The following PTPRN2 variants were observed in gnomAD, a reference collection of about 807,000 sequenced individuals.
The protein encoded by PTPRN2 is protein tyrosine phosphatase receptor type N2.
PTPRN2 carries 74 observed loss-of-function variants against 118.8 expected under a neutral mutation model. The ratio of observed to expected loss-of-function variants is 0.62; its 90% CI spans 0.52 to 0.76. The LOEUF (loss-of-function observed/expected upper bound fraction) is 0.76. PTPRN2 is among the 30% of genes least tolerant of loss of function. PTPRN2 has a pLI of 0.00. For synonymous variants in PTPRN2, 641 were observed against 608.0 expected (o/e 1.05, Z -0.80); for missense variants, 1,481 against 1,394.4 (o/e 1.06, Z -0.99).
intron 12 of PTPRN2, among the ~76,000 whole-genome samples, chr7:157,776,506 C>T (rs1185671170): frequency 2.1e-5 from 3 of 143,840 alleles, no homozygotes; most frequent in African/African-American, 2.7e-5. Context: ...TCCCTCTCCT[C>T]CTCCCTCTCC....
At position 157,749,754 on chromosome 7, in the gene PTPRN2, C is replaced by T. The variant is rs1312816826; in HGVS notation, c.1789-66817G>A. ...CCGGGTGATTCTGAGGCCTGCGTCC[C>T]TGAGCTGCGGGGTGTGTGGGTGATT... is the stretch of plus-strand genomic sequence containing the variant. On this transcript the variant is annotated intron_variant, in intron 12 of 22. Coordinates refer to ENST00000389418, the MANE Select transcript of PTPRN2 (RefSeq NM_002847.5). Among the ~76,000 whole-genome samples, 3 of 144,556 alleles carry T rather than the reference C, an allele frequency of 2.1e-5. No homozygotes were observed. In the East Asian group the frequency reaches 6.3e-4, roughly 30 times the overall value. The allele number at this position is 144,556 out of a possible 152,430, so 94.8% of individuals were successfully genotyped here.
At chr7:158,158,018 C>T (rs73745162) in intron 6 of PTPRN2, among the ~76,000 whole-genome samples, 22,474 of 152,064 alleles carry the variant, frequency 0.15, 2,931 homozygotes, top group African/African-American at 0.36. Context: ...CTGTGAGAGG[C>T]GGCCTCTGTG....
At chr7:158,232,969 C>T (rs1829266250) in intron 3 of PTPRN2, among the ~76,000 whole-genome samples, 1 of 152,046 alleles carries the variant, frequency 6.6e-6, no homozygotes, top group Admixed American at 6.5e-5. Flanking sequence ...CAGCTAACAC[C>T]ATAATGAATG....
intron 1 of PTPRN2, among the ~76,000 whole-genome samples, chr7:158,542,062 C>G (rs972869539): frequency 6.6e-6 from 1 of 152,244 alleles, no homozygotes; most frequent in African/African-American, 2.4e-5. Context: ...GACTATCTGG[C>G]TTGAGTTACA....
chr7:158,116,729 C>T (rs1816760607), intron 9 of PTPRN2, among the ~76,000 whole-genome samples: 1 of 152,212 alleles, frequency 6.6e-6, no homozygotes. Flanking sequence ...TGCTAACACC[C>T]ATTTTTCCCA....
rs142530567 is a variant in PTPRN2, at chr7:157,901,530, C to T, written c.1724-2793G>A. ...TAAAATGGTGAGCTTTAGTATGGAT[C>T]GCCTCTGCTCTTAACATAGTTTATT... On this transcript the variant is annotated intron_variant, in intron 11 of 22. Transcript: ENST00000389418. 6.5e-3 allele frequency among the ~76,000 whole-genome samples: 992 copies of T among 152,290 alleles called. 16 individuals carry two copies. The highest frequency in any genetic ancestry group is 0.023 in the African/African-American group (954 of 41,574).
At chr7:157,607,551 C>T (rs1802079995) in intron 15 of PTPRN2, among the ~76,000 whole-genome samples, 1 of 152,256 alleles carries the variant, frequency 6.6e-6, no homozygotes, top group Admixed American at 6.5e-5. Context: ...AGGCTTTTGA[C>T]CTGGCTTGGT....
intron 12 of PTPRN2, among the ~76,000 whole-genome samples, chr7:157,824,045 A>G (rs1407231747): frequency 2.0e-5 from 3 of 152,328 alleles, no homozygotes; most frequent in Non-Finnish European, 4.4e-5. Flanking sequence ...CTCATAGAGA[A>G]CTGATGCATC....
intron 2 of PTPRN2, among the ~76,000 whole-genome samples, chr7:158,488,121 G>C (rs1467736508): frequency 6.6e-6 from 1 of 152,070 alleles, no homozygotes; most frequent in East Asian, 1.9e-4. Flanking sequence ...GGCTACTTAC[G>C]GCTCCAATTA....
chr7:158,054,975 C>G (rs1285808825), intron 11 of PTPRN2, among the ~76,000 whole-genome samples: 1 of 152,248 alleles, frequency 6.6e-6, no homozygotes, highest in African/African-American at 2.4e-5. Context: ...GTCCCCTTCA[C>G]TGTGGTCAGA....
rs537955399 is a variant in PTPRN2 at position 157,874,882 on chromosome 7, C to T, written c.1788+23791G>A. ...AGACACACTCGTGCACATACACACA[C>T]GGAGACACACTCGTGCACATACACA... On this transcript the variant is annotated intron_variant, in intron 12 of 22. Transcript: ENST00000389418. The surrounding 1 kb of genome is among the most constrained non-coding windows in gnomAD (Gnocchi z 5.8). Among the ~76,000 whole-genome samples the T allele has an allele frequency of 7.2e-4, 110 of 152,108 alleles. 1 individual carries two copies. In the South Asian group the frequency reaches 0.02, roughly 28 times the overall value.
At chr7:157,791,163 T>C (rs1168565265) in intron 12 of PTPRN2, among the ~76,000 whole-genome samples, 3 of 152,174 alleles carry the variant, frequency 2.0e-5, no homozygotes, top group African/African-American at 7.2e-5. Context: ...AATAAATGAG[T>C]GGCAAACAAG....
At chr7:158,006,013 G>C (rs4716876) in intron 11 of PTPRN2, among the ~76,000 whole-genome samples, 1 of 152,120 alleles carries the variant, frequency 6.6e-6, no homozygotes, top group African/African-American at 2.4e-5. Context: ...CTGATGGAAA[G>C]GTGGTACTAG....
At chr7:157,691,507 G>A (rs948865944) in intron 12 of PTPRN2, among the ~76,000 whole-genome samples, 6 of 152,190 alleles carry the variant, frequency 3.9e-5, no homozygotes, top group Non-Finnish European at 8.8e-5. Context: ...ACTTTACCAG[G>A]GTCCTCCCGA....
chr7:157,558,789 C>T (rs916725595), intron 21 of PTPRN2, among the ~76,000 whole-genome samples: 3 of 152,240 alleles, frequency 2.0e-5, no homozygotes, highest in African/African-American at 7.2e-5. Context: ...CCCCTTGCTC[C>T]TGTAGGGCCG....
intron 2 of PTPRN2, among the ~76,000 whole-genome samples, chr7:158,445,002 G>A (rs539668109): frequency 3.9e-5 from 6 of 152,330 alleles, no homozygotes; most frequent in Admixed American, 2.6e-4. Context: ...CCACCACAGC[G>A]TGTGGACCGT....
chr7:157,797,720 A>G (rs1804960615), intron 12 of PTPRN2, among the ~76,000 whole-genome samples: 1 of 152,200 alleles, frequency 6.6e-6, no homozygotes. Context: ...CCCTGAGACC[A>G]TGGTGAGGGG....
chr7:158,153,118 G>A (rs770234233), intron 6 of PTPRN2, among the ~76,000 whole-genome samples: 14 of 151,990 alleles, frequency 9.2e-5, no homozygotes, highest in Non-Finnish European at 1.9e-4. Flanking sequence ...GCATACCATC[G>A]ACCAGCGGAA....
intron 3 of PTPRN2, among the ~76,000 whole-genome samples, chr7:158,205,774 GGA>G (rs1827090336): frequency 6.6e-6 from 1 of 152,172 alleles, no homozygotes; most frequent in African/African-American, 2.4e-5. Context: ...CATGCACTTG[GGA>G]GAGAGAGCAC....
Sources: gnomAD v4.1 joint callset for allele counts (sites outside exome capture counted in the v4.1 genomes callset) on GRCh38, gnomAD v4.1.1 for gene constraint, Gnocchi (gnomAD v3.1) non-coding constraint, MANE v1.5 for transcripts, NCBI Gene and HGNC (gene_info 2026-07-23, HGNC 2026-07-21) for gene names.